Variants in RAB27B observed in about 807,000 individuals in gnomAD.
RAB27B encodes the protein ras-related protein Rab-27B.
Under a neutral mutation model 24.6 loss-of-function variants are expected in RAB27B, and 15 were observed. That is an observed-to-expected ratio of 0.61 (90% CI 0.41 to 0.94). RAB27B has a LOEUF of 0.94. Among genes scored for constraint, RAB27B ranks in the 40% least tolerant of loss-of-function variants. The pLI, the probability that RAB27B is intolerant of heterozygous loss-of-function variation, is 0.00. For missense variants in RAB27B, 261 were observed against 266.8 expected, an observed-to-expected ratio of 0.98 and a Z score of 0.15; for synonymous variants, 105 against 92.5, an observed-to-expected ratio of 1.14 and a Z score of -0.78.
Position 54,772,926 on chromosome 18 carries a change from T to C in RAB27B, c.-20+54785T>C, listed in dbSNP as rs75288257. Among the ~76,000 whole-genome samples, 66 of 152,312 alleles carry C rather than the reference T, an allele frequency of 4.3e-4. No homozygotes were observed. The East Asian group carries it at 0.013, about 29-fold the overall frequency. ...ATCTGGAAGAATAATATCAATTTGCTTCAGAATTTAATTCGGTGCTCCTTT... is the reference window on the plus strand; with the variant it reads ...ATCTGGAAGAATAATATCAATTTGCCTCAGAATTTAATTCGGTGCTCCTTT... On this transcript the variant is annotated intron_variant, in intron 2 of 4. Transcript: ENST00000586570.
At chr18:54,736,778 T>C (rs1415003388) in intron 2 of RAB27B, among the ~76,000 whole-genome samples, 3 of 152,100 alleles carry the variant, frequency 2.0e-5, no homozygotes, top group Admixed American at 6.6e-5. Context: ...GGAGATATCA[T>C]GTAGAAAAGC....
intron 2 of RAB27B, among the ~76,000 whole-genome samples, chr18:54,784,316 A>G (rs1009568716): frequency 6.6e-6 from 1 of 152,224 alleles, no homozygotes; most frequent in African/African-American, 2.4e-5. Flanking sequence ...TTTTCATTTC[A>G]GATTCAGAGG....
intron 5 of RAB27B, among the ~76,000 whole-genome samples, chr18:54,888,583 G>T (rs770821348): frequency 6.6e-6 from 1 of 151,684 alleles, no homozygotes; most frequent in Non-Finnish European, 1.5e-5. Context: ...ATGAAAATGT[G>T]GTCTTTATCC....
intron 1 of RAB27B, among the ~76,000 whole-genome samples, chr18:54,858,973 G>A (rs1911900832): frequency 3.9e-5 from 6 of 152,024 alleles, no homozygotes; most frequent in South Asian, 2.1e-4. Context: ...TTACCTTTTA[G>A]TGTTTGACTT....
chr18:54,822,793 TAGAC>T (rs1393130819), intron 2 of RAB27B, among the ~76,000 whole-genome samples: 2 of 152,212 alleles, frequency 1.3e-5, no homozygotes, highest in Non-Finnish European at 2.9e-5. Flanking sequence ...CAAATATTCA[TAGAC>T]AGGATCATGG....
intron 4 of RAB27B, among the ~76,000 whole-genome samples, chr18:54,884,779 G>A (rs1320527107): frequency 6.6e-6 from 1 of 152,102 alleles, no homozygotes; most frequent in South Asian, 2.1e-4. Flanking sequence ...AAAACTAAGT[G>A]AGCTACTACA....
chr18:54,751,974 A>C (rs959224221), intron 2 of RAB27B, among the ~76,000 whole-genome samples: 1 of 152,162 alleles, frequency 6.6e-6, no homozygotes, highest in Non-Finnish European at 1.5e-5. Flanking sequence ...CATAGTCCTC[A>C]GTGGCCGCAA....
Position 54,889,718 on chromosome 18 carries a change from TG to T in RAB27B, c.*306del, listed in dbSNP as rs1248347385. On this transcript the variant is annotated 3_prime_UTR_variant, in exon 6 of 6. Transcript: ENST00000262094. The stretch of plus-strand genomic sequence containing the variant: ...GACAATATACAAGAAGAAATATCAG[TG>T]AGTTTTAAATCAGAACAAGTTACCT... 5.2e-6 allele frequency: 1 copy of T among 193,814 alleles called. No homozygotes were observed. The highest frequency in any genetic ancestry group is 2.3e-5 in the African/African-American group (1 of 43,082). The allele number at this position is 193,814 out of a possible 1,614,324, so 12.0% of individuals were successfully genotyped here. A position where few individuals can be genotyped will look rare whatever the true frequency, so the allele number is the denominator to read the frequency against.
chr18:54,727,281 T>G (rs551412278), intron 2 of RAB27B, among the ~76,000 whole-genome samples: 5 of 151,396 alleles, frequency 3.3e-5, no homozygotes, highest in Admixed American at 6.6e-5. Context: ...GCCCAGAATT[T>G]ATATATATAT....
intron 2 of RAB27B, among the ~76,000 whole-genome samples, chr18:54,771,631 T>C (rs1908554999): frequency 8.6e-6 from 1 of 115,832 alleles, no homozygotes; most frequent in African/African-American, 3.5e-5. Context: ...TGTGTGTGTG[T>C]GTGTGTGATG....
At chr18:54,794,191 TAAGTA>T (rs1282999668) in intron 2 of RAB27B, among the ~76,000 whole-genome samples, 2 of 152,132 alleles carry the variant, frequency 1.3e-5, no homozygotes, top group Non-Finnish European at 2.9e-5. Flanking sequence ...TTATGAGAAT[TAAGTA>T]AATTAATATA....
intron 1 of RAB27B, among the ~76,000 whole-genome samples, chr18:54,866,480 T>G (rs1351220798): frequency 6.6e-6 from 1 of 152,204 alleles, no homozygotes; most frequent in African/African-American, 2.4e-5. Flanking sequence ...GTATTTCCAG[T>G]AGAGACGGGG....
intron 2 of RAB27B, among the ~76,000 whole-genome samples, chr18:54,794,345 A>G (rs1300507034): frequency 6.6e-6 from 1 of 152,234 alleles, no homozygotes; most frequent in Non-Finnish European, 1.5e-5. Flanking sequence ...GAGTGTCATT[A>G]TCAATGACAT....
chr18:54,857,431 T>TA (rs1446165200), intron 1 of RAB27B, among the ~76,000 whole-genome samples: 1 of 152,196 alleles, frequency 6.6e-6, no homozygotes, highest in Non-Finnish European at 1.5e-5. Context: ...AAATTATCAA[T>TA]AAAAAAGAGC....
chr18:54,778,344 G>T (rs1001095767), intron 2 of RAB27B, among the ~76,000 whole-genome samples: 1 of 152,134 alleles, frequency 6.6e-6, no homozygotes, highest in Non-Finnish European at 1.5e-5. Context: ...CTCCTTAGCT[G>T]GAAGAGCATG....
rs2145301802 is a variant in RAB27B at position 54,891,086 on chromosome 18, T to G, written c.*1673T>G. The G allele has an allele frequency of 6.6e-6, 1 of 152,128 alleles. No homozygotes were observed. The highest frequency in any genetic ancestry group is 3.4e-3 in the Middle Eastern group (1 of 294). The allele number at this position is 152,128 out of a possible 1,614,324, so 9.4% of individuals were successfully genotyped here. A position where few individuals can be genotyped will look rare whatever the true frequency, so the allele number is the denominator to read the frequency against. On this transcript the variant is annotated 3_prime_UTR_variant, in exon 6 of 6. Coordinates refer to ENST00000262094, the MANE Select transcript of RAB27B (RefSeq NM_004163.4). ...TACTTTTTCCATACTCTGTGCATAT[T>G]TTTTGTGAAGTTATACACATTGAAG...
chr18:54,855,596 C>T (rs1385887418), intron 1 of RAB27B, among the ~76,000 whole-genome samples: 1 of 152,140 alleles, frequency 6.6e-6, no homozygotes. Context: ...CGTTCCAGTA[C>T]CTCATTAAAA....
chr18:54,855,140 C>A (rs990251901), intron 1 of RAB27B, among the ~76,000 whole-genome samples: 2 of 152,148 alleles, frequency 1.3e-5, no homozygotes, highest in Non-Finnish European at 1.5e-5. Flanking sequence ...AGCGTGCAAC[C>A]CAGATCCCTT....
At chr18:54,865,249 G>GTC (rs1912169079) in intron 1 of RAB27B, among the ~76,000 whole-genome samples, 1 of 151,296 alleles carries the variant, frequency 6.6e-6, no homozygotes, top group Non-Finnish European at 1.5e-5. Flanking sequence ...GTGTGTGTGT[G>GTC]TGTGTGTGTG....
Sources: gnomAD v4.1 joint callset for allele counts (sites outside exome capture counted in the v4.1 genomes callset) on GRCh38, gnomAD v4.1.1 for gene constraint, MANE v1.5 for transcripts, NCBI Gene and HGNC (gene_info 2026-07-23, HGNC 2026-07-21) for gene names.